Variants in FHL1 observed in about 807,000 individuals in gnomAD.
FHL1 encodes the protein four and a half LIM domains protein 1.
A neutral mutation model predicts 20.3 loss-of-function variants in FHL1; 1 was observed. The ratio of observed to expected loss-of-function variants is 0.05; its 90% CI spans 0.02 to 0.23. The LOEUF (loss-of-function observed/expected upper bound fraction) is 0.23. Ranked by LOEUF, FHL1 falls within the 10% of genes least tolerant of loss-of-function variation. FHL1 has a pLI of 1.00. For missense variants in FHL1, 177 were observed against 234.0 expected (o/e 0.76, Z 1.59); for synonymous variants, 82 against 88.9 (o/e 0.92, Z 0.44).
chrX:136,188,510 A>G (rs1392971551), intron 2 of FHL1, among the ~76,000 whole-genome samples: 4 of 111,193 alleles, frequency 3.6e-5, no homozygotes, highest in Non-Finnish European at 7.5e-5. Context: ...GGGTTCTGGG[A>G]TGAGATCTGT....
At chrX:136,196,766 T>C, upstream of FHL1, 2 of 1,143,159 alleles carry the variant, frequency 1.7e-6, no homozygotes, top group Non-Finnish European at 2.3e-6. Context: ...CGTTAAGCTA[T>C]GCCAGAGCCG....
chrX:136,197,602 T>TAAG (rs2073592130), intron 1 of FHL1, among the ~76,000 whole-genome samples: 3 of 112,817 alleles, frequency 2.7e-5, no homozygotes, highest in Non-Finnish European at 5.6e-5. Context: ...TCTTCCCTTT[T>TAAG]GCTGACAATG....
At chrX:136,179,681 A>G (rs1236765814) in intron 2 of FHL1, among the ~76,000 whole-genome samples, 2 of 112,143 alleles carry the variant, frequency 1.8e-5, no homozygotes, top group East Asian at 5.5e-4. Context: ...ATTACAAACC[A>G]TAGCATTACC....
intron 2 of FHL1, among the ~76,000 whole-genome samples, chrX:136,187,024 T>C (rs2073322333): frequency 9.0e-6 from 1 of 110,663 alleles, no homozygotes; most frequent in East Asian, 2.8e-4. Context: ...AGAAGCTCTT[T>C]ACGTACTGAC....
intron 1 of FHL1, among the ~76,000 whole-genome samples, chrX:136,158,567 C>A (rs2072484221): frequency 1.8e-5 from 2 of 111,232 alleles, no homozygotes; most frequent in African/African-American, 6.5e-5. Context: ...TTATAAACAT[C>A]TCCAGACCGA....
At chrX:136,186,080 A>G (rs780409830) in intron 2 of FHL1, among the ~76,000 whole-genome samples, 1 of 112,257 alleles carries the variant, frequency 8.9e-6, no homozygotes, top group South Asian at 3.8e-4. Flanking sequence ...CTTGATGCAC[A>G]CTAAGTTGCC....
intron 1 of FHL1, among the ~76,000 whole-genome samples, chrX:136,162,533 GTT>G (rs1411535307): frequency 8.9e-6 from 1 of 111,758 alleles, no homozygotes; most frequent in Non-Finnish European, 1.9e-5. Context: ...TGTAGTCCCT[GTT>G]TCTCAGGAGG....
chrX:136,169,595 A>C, upstream of FHL1: 1 of 252,872 alleles, frequency 4.0e-6, no homozygotes, highest in Non-Finnish European at 7.4e-6. Flanking sequence ...GTGATTGCCA[A>C]ATGTTAATTT....
chrX:136,180,864 C>T (rs753956851), intron 2 of FHL1, among the ~76,000 whole-genome samples: 329 of 111,465 alleles, frequency 3.0e-3, no homozygotes, highest in Non-Finnish European at 4.7e-3. Flanking sequence ...GCCTCAGCTT[C>T]CTGAGTAGCT....
chrX:136,201,191 G>C (rs2073698789), intron 1 of FHL1, among the ~76,000 whole-genome samples: 1 of 112,212 alleles, frequency 8.9e-6, no homozygotes, highest in African/African-American at 3.2e-5. Flanking sequence ...TTCAGAGCAG[G>C]AATGAAAGTA....
chrX:136,164,163 T>A, intron 1 of FHL1, among the ~76,000 whole-genome samples: 1 of 111,478 alleles, frequency 9.0e-6, no homozygotes, highest in South Asian at 3.8e-4. Context: ...CTTGTGTTTT[T>A]CCTTTGTTCC....
intron 1 of FHL1, among the ~76,000 whole-genome samples, chrX:136,203,561 C>T (rs1191557608): frequency 1.8e-5 from 2 of 112,276 alleles, no homozygotes; most frequent in African/African-American, 3.2e-5. Context: ...ACATTTTCAA[C>T]ACCCTTTGTT....
Position 136,187,964 on chromosome X carries a change from G to T in FHL1, c.-27+17984G>T, listed in dbSNP as rs189530469. On this transcript the variant is annotated intron_variant, in intron 2 of 6. Transcript: ENST00000394153. Reference sequence around the variant, plus strand: ...TCTGCCTTGGCCTCCCAAAGCACAGGCATGTAAATTATATCTCAATAAATA... The same window carrying T: ...TCTGCCTTGGCCTCCCAAAGCACAGTCATGTAAATTATATCTCAATAAATA... Among the ~76,000 whole-genome samples, 18 of 111,823 alleles carry T rather than the reference G, an allele frequency of 1.6e-4. No homozygotes were observed. In the East Asian group the frequency reaches 4.8e-3, roughly 30 times the overall value.
At chrX:136,173,258 T>TC (rs2072919553) in intron 2 of FHL1, among the ~76,000 whole-genome samples, 1 of 112,891 alleles carries the variant, frequency 8.9e-6, no homozygotes, top group African/African-American at 3.2e-5. Context: ...AACATGTGTT[T>TC]CACATGTAGG....
chrX:136,194,406 G>T (rs376841434), upstream of FHL1, among the ~76,000 whole-genome samples: 1 of 111,863 alleles, frequency 8.9e-6, no homozygotes, highest in African/African-American at 3.2e-5. Flanking sequence ...TGTATCTGCA[G>T]ATAGTAGGAC....
At chrX:136,207,303 T>G (rs1267640172) in intron 3 of FHL1, 113 bp downstream of exon 3, 1 of 718,845 alleles carries the variant, frequency 1.4e-6, no homozygotes, top group East Asian at 3.3e-5. Context: ...TTTGAGATCT[T>G]AGCATATATA....
At chrX:136,163,467 G>A (rs1267292929) in intron 1 of FHL1, among the ~76,000 whole-genome samples, 2 of 112,358 alleles carry the variant, frequency 1.8e-5, no homozygotes, top group Non-Finnish European at 3.8e-5. Context: ...TGCTAGCTAT[G>A]TGAAGAAGAG....
chrX:136,209,103 C>T (rs924794725), intron 5 of FHL1: 17 of 519,920 alleles, frequency 3.3e-5, no homozygotes, highest in African/African-American at 4.8e-5. Context: ...TTTGTTTTTG[C>T]GATCAGCAAA....
At position 136,210,233 on chromosome X, in the gene FHL1, G is replaced by A. The variant is rs762135025; in HGVS notation, c.*208G>A. Reference sequence around the variant, plus strand: ...TAGCAAAAAGCAACCCTGCAGCAAAGTGAATTTCTGTCCGGCTGCAATTTA... The same window carrying A: ...TAGCAAAAAGCAACCCTGCAGCAAAATGAATTTCTGTCCGGCTGCAATTTA... On this transcript the variant is annotated 3_prime_UTR_variant, in exon 6 of 6. Transcript: ENST00000370683. The A allele has an allele frequency of 5.5e-6, 3 of 544,860 alleles. No homozygotes were observed. The Admixed American group carries it at 8.0e-5, about 14-fold the overall frequency. 44.9% of individuals were successfully genotyped at this position (544,860 alleles called of 1,213,427 possible).
Sources: gnomAD v4.1 joint callset for allele counts (sites outside exome capture counted in the v4.1 genomes callset) on GRCh38, gnomAD v4.1.1 for gene constraint, MANE v1.5 for transcripts, NCBI Gene and HGNC (gene_info 2026-07-23, HGNC 2026-07-21) for gene names.